Variants in OSBPL11 observed in about 807,000 individuals in gnomAD.
OSBPL11 encodes the protein oxysterol-binding protein-related protein 11.
OSBPL11 carries 33 observed loss-of-function variants against 84.4 expected under a neutral mutation model. That is an observed-to-expected ratio of 0.39 (90% confidence interval 0.30 to 0.52). OSBPL11 has a LOEUF of 0.52. Ranked by LOEUF, OSBPL11 falls within the 20% of genes least tolerant of loss-of-function variation. OSBPL11 has a pLI of 0.72. For missense variants in OSBPL11, 736 were observed against 901.1 expected (o/e 0.82, Z 2.35); for synonymous variants, 276 against 310.2 (o/e 0.89, Z 1.16).
At chr3:125,594,549 T>A in intron 1 of OSBPL11, 88 bp downstream of exon 1, 3 of 1,483,128 alleles carry the variant, frequency 2.0e-6, no homozygotes, top group Non-Finnish European at 2.7e-6. Flanking sequence ...AAAAAACTTT[T>A]ATCTTTCAAC....
chr3:125,551,034 C>G (rs1033562147), intron 9 of OSBPL11, among the ~76,000 whole-genome samples: 14 of 151,886 alleles, frequency 9.2e-5, no homozygotes, highest in Non-Finnish European at 1.8e-4. Flanking sequence ...CATGGTGGTG[C>G]ATGCCTGTAG....
In OSBPL11 at chr3:125,534,120, T is replaced by C. The variant is rs909668753; in HGVS notation, c.2025-2106A>G. On this transcript the variant is annotated intron_variant, in intron 11 of 12. Transcript: ENST00000296220. ...TACCAAGGCCAGGTGTGGTGGCTCA[T>C]GAATAATTCTAGCACTTTGGGAGGC... 3.3e-5 allele frequency among the ~76,000 whole-genome samples: 5 copies of C among 152,134 alleles called. No individual in the cohort carries two copies. In the East Asian group the frequency reaches 9.6e-4, roughly 29 times the overall value.
intron 9 of OSBPL11, among the ~76,000 whole-genome samples, chr3:125,550,368 G>C (rs938771485): frequency 1.6e-5 from 2 of 128,920 alleles, no homozygotes; most frequent in Non-Finnish European, 3.1e-5. Context: ...CAGCTAGACC[G>C]TGTCACACAC....
intron 9 of OSBPL11, among the ~76,000 whole-genome samples, chr3:125,551,713 G>A (rs977039257): frequency 1.3e-5 from 2 of 152,060 alleles, no homozygotes; most frequent in Non-Finnish European, 2.9e-5. Context: ...GGGAGGCGGA[G>A]TTTGCAGTGA....
intron 8 of OSBPL11, among the ~76,000 whole-genome samples, chr3:125,557,791 CTTTTTTTT>C (rs11295103): frequency 4.4e-4 from 36 of 81,958 alleles, no homozygotes; most frequent in South Asian, 3.4e-3. Flanking sequence ...ATACAACTTT[CTTTTTTTT>C]TTTTTTTTTT....
intron 2 of OSBPL11, among the ~76,000 whole-genome samples, chr3:125,581,553 G>A (rs529382311): frequency 6.6e-6 from 1 of 151,664 alleles, no homozygotes; most frequent in Non-Finnish European, 1.5e-5. Flanking sequence ...AAAACTAGCT[G>A]GGCGAGGTGG....
chr3:125,547,941 G>C (rs539007712), intron 9 of OSBPL11, among the ~76,000 whole-genome samples: 39 of 152,152 alleles, frequency 2.6e-4, no homozygotes, highest in African/African-American at 9.2e-4. Context: ...GCAGTGGCGT[G>C]ATCTTGGCTC....
chr3:125,534,951 GAAA>G (rs56164804), intron 11 of OSBPL11, among the ~76,000 whole-genome samples: 2,179 of 64,614 alleles, frequency 0.034, 25 homozygotes, highest in African/African-American at 0.098. Context: ...TAAGAAATTA[GAAA>G]AAAAAAAAAA....
At chr3:125,537,262 C>T (rs111766859) in intron 11 of OSBPL11, among the ~76,000 whole-genome samples, 2 of 151,684 alleles carry the variant, frequency 1.3e-5, no homozygotes, top group Non-Finnish European at 2.9e-5. Context: ...AAGGGGCATG[C>T]GAGTACATGG....
At chr3:125,531,729 T>C (rs1935558787) in intron 12 of OSBPL11, 132 bp downstream of exon 12, 17 of 848,836 alleles carry the variant, frequency 2.0e-5, no homozygotes, top group Middle Eastern at 3.6e-4. Flanking sequence ...TCAAAAACAG[T>C]TGGTATTTAT....
chr3:125,571,985 C>T (rs1296189438), intron 5 of OSBPL11, among the ~76,000 whole-genome samples: 3 of 152,220 alleles, frequency 2.0e-5, no homozygotes, highest in Non-Finnish European at 2.9e-5. Flanking sequence ...CTGCAAAAGC[C>T]GCAGACACTC....
chr3:125,564,951 G>A (rs572165735), intron 6 of OSBPL11, among the ~76,000 whole-genome samples: 74 of 152,232 alleles, frequency 4.9e-4, no homozygotes, highest in Non-Finnish European at 8.8e-4. Context: ...CACCATGCCC[G>A]GCCACAAATG....
intron 6 of OSBPL11, 104 bp from the exon 7 acceptor site, chr3:125,563,947 C>T: frequency 7.7e-7 from 1 of 1,303,468 alleles, no homozygotes; most frequent in Non-Finnish European, 1.1e-6. Context: ...AGCCTAAAAG[C>T]AATTAAACCT....
rs1476350172 is a variant in OSBPL11 at position 125,595,027 on chromosome 3, A to G, written c.-227T>C. On this transcript the variant is annotated 5_prime_UTR_variant, in exon 1 of 13. An upstream start codon of the reference 5' UTR is lost. Coordinates refer to ENST00000296220, the MANE Select transcript of OSBPL11 (RefSeq NM_022776.5). ...AGCAACGAGGACAGATATCCTTCAC[A>G]TGTATCTCTCTCCTTTCCGGCAAAA... 1 of 480,852 alleles carries G rather than the reference A, an allele frequency of 2.1e-6. No individual in the cohort carries two copies. The highest frequency in any genetic ancestry group is 1.9e-5 in the African/African-American group (1 of 51,774). The allele number at this position is 480,852 out of a possible 1,614,324, so 29.8% of individuals were successfully genotyped here.
intron 6 of OSBPL11, among the ~76,000 whole-genome samples, chr3:125,565,597 G>A (rs1936141570): frequency 1.3e-5 from 2 of 152,182 alleles, no homozygotes; most frequent in African/African-American, 4.8e-5. Flanking sequence ...GGGATGGGGA[G>A]TATACTAATA....
intron 8 of OSBPL11, among the ~76,000 whole-genome samples, chr3:125,554,087 C>T (rs1446687130): frequency 6.6e-6 from 1 of 152,172 alleles, no homozygotes; most frequent in Non-Finnish European, 1.5e-5. Context: ...TGAGTAAAAT[C>T]TGTATGGAAA....
chr3:125,530,695 G>C, intron 12 of OSBPL11, 115 bp from the exon 13 acceptor site: 1 of 860,582 alleles, frequency 1.2e-6, no homozygotes, highest in Non-Finnish European at 1.9e-6. Flanking sequence ...TCAAAAACAA[G>C]TTTTTGTGAA....
chr3:125,557,872 C>A (rs555690999), intron 8 of OSBPL11, among the ~76,000 whole-genome samples: 2 of 142,702 alleles, frequency 1.4e-5, no homozygotes, highest in South Asian at 4.4e-4. Flanking sequence ...TGGCTCACTG[C>A]AACCTCCACT....
chr3:125,558,351 T>C (rs1238982669), intron 8 of OSBPL11, among the ~76,000 whole-genome samples: 4 of 151,640 alleles, frequency 2.6e-5, no homozygotes. Context: ...TTCACAACTA[T>C]GAGGTCTTTT....
Sources: gnomAD v4.1 joint callset for allele counts (sites outside exome capture counted in the v4.1 genomes callset) on GRCh38, gnomAD v4.1.1 for gene constraint, MANE v1.5 for transcripts, NCBI Gene and HGNC (gene_info 2026-07-23, HGNC 2026-07-21) for gene names.